FAM219A: variants seen among roughly 807,000 people sequenced by gnomAD.
FAM219A encodes the protein family with sequence similarity 219 member A.
In FAM219A, 7 loss-of-function variants were observed where a neutral mutation model predicts 23.4. The ratio of observed to expected loss-of-function variants is 0.30; its 90% confidence interval spans 0.17 to 0.56. The LOEUF is 0.56. FAM219A is among the 20% of genes least tolerant of loss of function. The probability of loss-of-function intolerance (pLI) is 0.92; values close to 1 mark genes in which losing one functional copy is unlikely to be tolerated. For synonymous variants in FAM219A, 93 were observed against 99.0 expected, an observed-to-expected ratio of 0.94 and a Z score of 0.36; for missense variants, 166 against 246.9, an observed-to-expected ratio of 0.67 and a Z score of 2.20.
In FAM219A at chr9:34,458,069, C is replaced by A; in HGVS notation, c.60+135G>T. 1 of 802,478 alleles carries A rather than the reference C, an allele frequency of 1.2e-6. No homozygotes were observed. The allele number at this position is 802,478 out of a possible 1,614,324, so 49.7% of individuals were successfully genotyped here. A position where few individuals can be genotyped will look rare whatever the true frequency, so the allele number is the denominator to read the frequency against. On this transcript the variant is annotated intron_variant, in intron 1 of 5. Coordinates refer to ENST00000651358, the MANE Select transcript of FAM219A (RefSeq NM_001184940.2). The surrounding 1 kb of genome is among the most constrained non-coding windows in gnomAD (Gnocchi z 6.6). ...TCTTGTCCTGCAAGTCCCCGTCCCC[C>A]GGCAATACGTTTTCAGGGATCTCTT...
chr9:34,455,396 T>C (rs927570973), intron 1 of FAM219A, among the ~76,000 whole-genome samples: 1 of 152,018 alleles, frequency 6.6e-6, no homozygotes, highest in African/African-American at 2.4e-5. Context: ...TTTTATGGCC[T>C]ATCCAAATAC....
chr9:34,436,447 T>A (rs1340379842), intron 1 of FAM219A, among the ~76,000 whole-genome samples: 3 of 151,926 alleles, frequency 2.0e-5, no homozygotes. Flanking sequence ...GGTCTTGCTT[T>A]GTTGCCCAGA....
chr9:34,441,351 A>G (rs1823166324), intron 1 of FAM219A, among the ~76,000 whole-genome samples: 1 of 152,250 alleles, frequency 6.6e-6, no homozygotes, highest in Non-Finnish European at 1.5e-5. Context: ...TCCTAGGAAG[A>G]TTCAGAGAGC....
intron 1 of FAM219A, among the ~76,000 whole-genome samples, chr9:34,451,591 A>G (rs562440548): frequency 6.6e-6 from 1 of 152,262 alleles, no homozygotes; most frequent in East Asian, 1.9e-4. Flanking sequence ...GGTCCCTGAG[A>G]CTAATCAGGT....
intron 1 of FAM219A, among the ~76,000 whole-genome samples, chr9:34,423,300 C>T (rs1822345802): frequency 6.6e-6 from 1 of 152,152 alleles, no homozygotes; most frequent in African/African-American, 2.4e-5. Context: ...GCAACTATCC[C>T]ACTCTGGGGA....
chr9:34,411,672 G>A (rs368268410), intron 1 of FAM219A, among the ~76,000 whole-genome samples: 95 of 82,162 alleles, frequency 1.2e-3, no homozygotes, highest in African/African-American at 4.1e-3. Flanking sequence ...GCGAGACTCC[G>A]TCTCAAAAAA....
rs1821499144 is a variant in FAM219A at position 34,402,833 on chromosome 9, T to A, written c.161-26A>T. 2.5e-6 allele frequency: 4 copies of A among 1,608,504 alleles called. No homozygotes were observed. In the East Asian group the frequency reaches 8.9e-5, roughly 36 times the overall value. ...CTGCAGGAGAACATGGGAAGGAAGC[T>A]GTGTCCTGCCCCTGAGGCCACCCTG... On this transcript the variant is annotated intron_variant, in intron 2 of 5. Coordinates refer to ENST00000651358, the MANE Select transcript of FAM219A (RefSeq NM_001184940.2).
chr9:34,457,809 A>G lies in FAM219A; in HGVS notation c.60+395T>C, dbSNP rs113304631. ...CTTAGCCTGACGGCTCCCCCGCCCT[A>G]AGCATCACAGGCCTCTAGGACTAAA... On this transcript the variant is annotated intron_variant, in intron 1 of 5. Transcript: ENST00000651358. The surrounding 1 kb of genome is among the most constrained non-coding windows in gnomAD (Gnocchi z 5.1). Among the ~76,000 whole-genome samples the G allele has an allele frequency of 2.6e-5, 4 of 152,046 alleles. No individual in the cohort carries two copies. The highest frequency in any genetic ancestry group is 9.6e-5 in the African/African-American group (4 of 41,476).
In FAM219A at chr9:34,458,194, G is replaced by C. The variant is rs1564023006; in HGVS notation, c.60+10C>G. 1 of 1,579,294 alleles carries C rather than the reference G, an allele frequency of 6.3e-7. No homozygotes were observed. Among genetic ancestry groups the C allele is most frequent in the Non-Finnish European group, 8.6e-7 (1 of 1,168,074 alleles). ...TCCGGCCTTGGCCTGCCCGCCGCCCGCCCCCTCACCAGCGGCTGCATCTCC... is the reference window on the plus strand; with the variant it reads ...TCCGGCCTTGGCCTGCCCGCCGCCCCCCCCCTCACCAGCGGCTGCATCTCC... On this transcript the variant is annotated intron_variant, in intron 1 of 5. Coordinates refer to ENST00000651358, the MANE Select transcript of FAM219A (RefSeq NM_001184940.2). The surrounding 1 kb of genome is among the most constrained non-coding windows in gnomAD (Gnocchi z 6.6).
chr9:34,424,663 G>T (rs1822392568), intron 1 of FAM219A, among the ~76,000 whole-genome samples: 1 of 152,156 alleles, frequency 6.6e-6, no homozygotes, highest in Admixed American at 6.5e-5. Flanking sequence ...GACCTACCAG[G>T]AGTGGCCTGA....
chr9:34,401,963 C>A (rs1821454113), intron 4 of FAM219A, among the ~76,000 whole-genome samples: 2 of 143,416 alleles, frequency 1.4e-5, no homozygotes, highest in South Asian at 2.3e-4. Context: ...CCTTTCACCC[C>A]CTTCTCATCT....
Position 34,458,230 on chromosome 9 carries a change from TG to T in FAM219A, c.33del (p.Thr12ProfsTer29). The T allele has an allele frequency of 6.3e-7, 1 of 1,589,702 alleles. No individual in the cohort carries two copies. On this transcript the variant is annotated frameshift_variant, in exon 1 of 6. Coordinates refer to ENST00000651358, the MANE Select transcript of FAM219A (RefSeq NM_001184940.2). LOFTEE classifies it high-confidence loss of function. The surrounding 1 kb of genome is among the most constrained non-coding windows in gnomAD (Gnocchi z 6.6). Reference sequence around the variant, plus strand: ...AGCGGCTGCATCTCCGAGTGCGCGGTGGGCACCTGGAACCGGTCGATCTCCT... The same window carrying T: ...AGCGGCTGCATCTCCGAGTGCGCGGTGGCACCTGGAACCGGTCGATCTCCT... MMEEIDRFQV[P>X]TAHSEMQPLD...
Position 34,447,825 on chromosome 9 carries a change from A to G in FAM219A, c.60+10379T>C, listed in dbSNP as rs189355049. On this transcript the variant is annotated intron_variant, in intron 1 of 5. Coordinates refer to ENST00000651358, the MANE Select transcript of FAM219A (RefSeq NM_001184940.2). ...GGATTTTAAACTTTATATTAATTCA[A>G]TACTTCAGAAACCAGTGCTGAAGAT... 2.1e-3 allele frequency among the ~76,000 whole-genome samples: 321 copies of G among 152,178 alleles called. 2 individuals are homozygous for G. Among genetic ancestry groups the G allele is most frequent in the African/African-American group, 6.9e-3 (288 of 41,538 alleles).
chr9:34,444,909 C>T (rs1823317250), intron 1 of FAM219A, among the ~76,000 whole-genome samples: 1 of 152,222 alleles, frequency 6.6e-6, no homozygotes, highest in South Asian at 2.1e-4. Flanking sequence ...GTATCTGTCT[C>T]TCCTACTGGA....
intron 1 of FAM219A, among the ~76,000 whole-genome samples, chr9:34,449,240 G>GTGGGAGGATCACCTGAGC (rs1294569026): frequency 6.6e-6 from 1 of 152,194 alleles, no homozygotes; most frequent in Non-Finnish European, 1.5e-5. Context: ...GGAGGCTGAG[G>GTGGGAGGATCACCTGAGC]TGGGAGGATC....
At chr9:34,429,414 C>A (rs1374497093) in intron 1 of FAM219A, among the ~76,000 whole-genome samples, 1 of 152,190 alleles carries the variant, frequency 6.6e-6, no homozygotes, top group East Asian at 1.9e-4. Context: ...TTACCCTCCT[C>A]ACTCACCAGC....
chr9:34,409,964 A>G (rs1214527046), intron 1 of FAM219A, among the ~76,000 whole-genome samples: 1 of 152,260 alleles, frequency 6.6e-6, no homozygotes, highest in Non-Finnish European at 1.5e-5. Context: ...TAGTGAGATC[A>G]TAGGTACCTA....
chr9:34,438,908 A>C (rs1166726554), intron 1 of FAM219A, among the ~76,000 whole-genome samples: 1 of 152,226 alleles, frequency 6.6e-6, no homozygotes, highest in Non-Finnish European at 1.5e-5. Flanking sequence ...CTTTGCAATA[A>C]ATCTTGCTAC....
intron 1 of FAM219A, among the ~76,000 whole-genome samples, chr9:34,446,121 C>T (rs1823359953): frequency 6.8e-6 from 1 of 146,980 alleles, no homozygotes; most frequent in South Asian, 2.2e-4. Flanking sequence ...TGCAGTGAGC[C>T]AAGATTGTGC....
Sources: gnomAD v4.1 joint callset for allele counts (sites outside exome capture counted in the v4.1 genomes callset) on GRCh38, gnomAD v4.1.1 for gene constraint, Gnocchi (gnomAD v3.1) non-coding constraint, MANE v1.5 for transcripts, NCBI Gene and HGNC (gene_info 2026-07-23, HGNC 2026-07-21) for gene names.